SPON1: variants seen among roughly 807,000 people sequenced by gnomAD.
The protein encoded by SPON1 is spondin 1.
In SPON1, 52 loss-of-function variants were observed where a neutral mutation model predicts 111.7. The observed-to-expected ratio is 0.47, with a 90% CI of 0.37 to 0.59. The LOEUF (loss-of-function observed/expected upper bound fraction) is 0.59. SPON1 is among the 20% of genes least tolerant of loss of function. The probability of loss-of-function intolerance (pLI) is 0.00; values close to 1 mark genes in which losing one functional copy is unlikely to be tolerated. For missense variants in SPON1, 957 were observed against 1,068.5 expected, an observed-to-expected ratio of 0.90 and a Z score of 1.46; for synonymous variants, 410 against 395.8, an observed-to-expected ratio of 1.04 and a Z score of -0.43.
intron 2 of SPON1, among the ~76,000 whole-genome samples, chr11:14,011,943 G>T (rs1554913777): frequency 6.6e-6 from 1 of 152,112 alleles, no homozygotes; most frequent in Non-Finnish European, 1.5e-5. Flanking sequence ...CAGTTTCCCT[G>T]TGTGTAAAAT....
At chr11:14,159,219 G>A (rs1301979274) in intron 6 of SPON1, among the ~76,000 whole-genome samples, 2 of 152,008 alleles carry the variant, frequency 1.3e-5, no homozygotes, top group Non-Finnish European at 2.9e-5. Context: ...TGAGTTATTA[G>A]ATGTGAAACA....
At chr11:14,123,048 A>G (rs968948529) in intron 5 of SPON1, among the ~76,000 whole-genome samples, 1 of 150,818 alleles carries the variant, frequency 6.6e-6, no homozygotes, top group Non-Finnish European at 1.5e-5. Context: ...CTCCCACCTC[A>G]GCCTCTGGAG....
At chr11:14,160,752 T>A (rs1206854092) in intron 6 of SPON1, among the ~76,000 whole-genome samples, 1 of 51,188 alleles carries the variant, frequency 2.0e-5, no homozygotes, top group Admixed American at 3.9e-4. Flanking sequence ...TTATATATAT[T>A]TATATATATT....
At chr11:14,092,181 T>C (rs55751084) in intron 5 of SPON1, among the ~76,000 whole-genome samples, 15,716 of 152,302 alleles carry the variant, frequency 0.1, 888 homozygotes, top group Middle Eastern at 0.14. Context: ...CCCCTTTTGC[T>C]TTTTACTGTT....
intron 3 of SPON1, among the ~76,000 whole-genome samples, chr11:14,073,883 T>A (rs9666342): frequency 0.015 from 2,226 of 152,154 alleles, 59 homozygotes; most frequent in African/African-American, 0.051. Flanking sequence ...GGAAGACAAA[T>A]GGGGGAAGAG....
At chr11:14,193,012 C>G (rs1283344126) in intron 6 of SPON1, among the ~76,000 whole-genome samples, 2 of 151,980 alleles carry the variant, frequency 1.3e-5, no homozygotes, top group African/African-American at 4.8e-5. Context: ...GCATGCAGCT[C>G]CTATGCAAAA....
At chr11:14,121,470 C>T (rs1554926504) in intron 5 of SPON1, among the ~76,000 whole-genome samples, 1 of 152,022 alleles carries the variant, frequency 6.6e-6, no homozygotes, top group Admixed American at 6.6e-5. Flanking sequence ...GAAGATAATT[C>T]AAGGAGAGGA....
intron 6 of SPON1, among the ~76,000 whole-genome samples, chr11:14,242,577 G>A (rs1554939799): frequency 6.6e-6 from 1 of 152,182 alleles, no homozygotes; most frequent in African/African-American, 2.4e-5. Context: ...CACCCGCAGT[G>A]TGTAATTGAA....
chr11:14,252,957 G>T (rs1849067511), intron 7 of SPON1, among the ~76,000 whole-genome samples: 3 of 152,242 alleles, frequency 2.0e-5, no homozygotes, highest in Admixed American at 6.5e-5. Flanking sequence ...GATGCTGCTG[G>T]TCCAAGGACC....
chr11:14,115,416 T>G (rs1849259617), intron 5 of SPON1, among the ~76,000 whole-genome samples: 3 of 152,242 alleles, frequency 2.0e-5, no homozygotes, highest in African/African-American at 7.2e-5. Flanking sequence ...GCCTCCGTTT[T>G]GTCCCCATCC....
intron 1 of SPON1, among the ~76,000 whole-genome samples, chr11:13,965,955 T>G (rs1554907998): frequency 6.6e-6 from 1 of 152,186 alleles, no homozygotes; most frequent in Admixed American, 6.5e-5. Flanking sequence ...CTCAAATCTT[T>G]GTCCACAGTA....
At chr11:14,032,915 G>T (rs1393477902) in intron 2 of SPON1, among the ~76,000 whole-genome samples, 1 of 152,074 alleles carries the variant, frequency 6.6e-6, no homozygotes, top group East Asian at 1.9e-4. Flanking sequence ...AGCCCACCCA[G>T]TACCCACATA....
chr11:14,118,156 C>T (rs558807089), intron 5 of SPON1, among the ~76,000 whole-genome samples: 1 of 152,254 alleles, frequency 6.6e-6, no homozygotes, highest in African/African-American at 2.4e-5. Flanking sequence ...GTTTACTGCT[C>T]CTGCTAAGCT....
At chr11:14,091,644 G>A (rs891488480) in intron 5 of SPON1, among the ~76,000 whole-genome samples, 1 of 152,148 alleles carries the variant, frequency 6.6e-6, no homozygotes, top group Non-Finnish European at 1.5e-5. Context: ...CCAAGCCCAC[G>A]CCCACCCAGA....
At position 14,260,868 on chromosome 11, in the gene SPON1, A is replaced by C. The variant is rs1436699415; in HGVS notation, c.1996+116A>C. On this transcript the variant is annotated intron_variant, in intron 14 of 15. Coordinates refer to ENST00000576479, the MANE Select transcript of SPON1 (RefSeq NM_006108.4). ...AGAATAACATGGTTTGCTGGGGAAG[A>C]GTTTGGGGTTTGGCTTTCAGTGTTT... 9 of 1,219,396 alleles carry C rather than the reference A, an allele frequency of 7.4e-6. No homozygotes were observed. The East Asian group carries it at 2.2e-4, about 30-fold the overall frequency. 75.5% of individuals were successfully genotyped at this position (1,219,396 alleles called of 1,614,324 possible). A position where few individuals can be genotyped will look rare whatever the true frequency, so the allele number is the denominator to read the frequency against.
chr11:13,981,727 C>G (rs1322012720), intron 1 of SPON1, among the ~76,000 whole-genome samples: 1 of 152,178 alleles, frequency 6.6e-6, no homozygotes, highest in African/African-American at 2.4e-5. Flanking sequence ...CCCTCCACAA[C>G]ATAAGTTTAT....
chr11:14,150,230 A>G (rs1348291767), intron 6 of SPON1, among the ~76,000 whole-genome samples: 1 of 152,182 alleles, frequency 6.6e-6, no homozygotes, highest in African/African-American at 2.4e-5. Context: ...ATGGAAAGAT[A>G]AATATCACAT....
chr11:14,003,434 G>A (rs1848334706), intron 2 of SPON1, among the ~76,000 whole-genome samples: 1 of 152,192 alleles, frequency 6.6e-6, no homozygotes, highest in South Asian at 2.1e-4. Flanking sequence ...GAGGGTTTAA[G>A]GAGTTTGGCT....
At chr11:13,978,898 G>A (rs896966972) in intron 1 of SPON1, among the ~76,000 whole-genome samples, 1 of 152,218 alleles carries the variant, frequency 6.6e-6, no homozygotes, top group Non-Finnish European at 1.5e-5. Context: ...AGCTGGAGAG[G>A]CAGAGCCTGA....
Sources: gnomAD v4.1 joint callset for allele counts (sites outside exome capture counted in the v4.1 genomes callset) on GRCh38, gnomAD v4.1.1 for gene constraint, MANE v1.5 for transcripts, NCBI Gene and HGNC (gene_info 2026-07-23, HGNC 2026-07-21) for gene names.